The following ALK variants were observed in gnomAD, a reference collection of about 807,000 sequenced individuals.
ALK encodes the protein ALK receptor tyrosine kinase.
ALK carries 74 observed loss-of-function variants against 163.1 expected under a neutral mutation model. That is an observed-to-expected ratio of 0.45 (90% CI 0.38 to 0.55). The LOEUF (loss-of-function observed/expected upper bound fraction) is 0.55. Among genes scored for constraint, ALK ranks in the 20% least tolerant of loss-of-function variants. The pLI, the probability that ALK is intolerant of heterozygous loss-of-function variation, is 0.00. For synonymous variants in ALK, 960 were observed against 843.2 expected (o/e 1.14, Z -2.40); for missense variants, 2,063 against 2,105.3 (o/e 0.98, Z 0.39).
chr2:29,755,395 T>G (rs993976308), intron 1 of ALK, among the ~76,000 whole-genome samples: 1 of 152,214 alleles, frequency 6.6e-6, no homozygotes, highest in Non-Finnish European at 1.5e-5. Context: ...GTTGGTGCTT[T>G]AAGAAGGAAC....
chr2:29,730,086 A>G (rs1451453898), intron 1 of ALK, among the ~76,000 whole-genome samples: 2 of 152,236 alleles, frequency 1.3e-5, no homozygotes, highest in African/African-American at 4.8e-5. Context: ...ACAGATGCTG[A>G]AATTATGGCA....
chr2:29,826,032 TAA>T (rs983280972), intron 1 of ALK, among the ~76,000 whole-genome samples: 3 of 151,602 alleles, frequency 2.0e-5, no homozygotes, highest in Non-Finnish European at 4.4e-5. Flanking sequence ...CCAAACAAGT[TAA>T]GTTTTCCCTA....
chr2:29,385,387 T>G (rs1205517723), intron 4 of ALK, among the ~76,000 whole-genome samples: 8 of 151,380 alleles, frequency 5.3e-5, no homozygotes, highest in Middle Eastern at 3.4e-3. Context: ...AGGTTGTTTT[T>G]TTTTTTTTTT....
At chr2:29,664,305 T>G (rs1677441165) in intron 3 of ALK, among the ~76,000 whole-genome samples, 1 of 152,174 alleles carries the variant, frequency 6.6e-6, no homozygotes, top group African/African-American at 2.4e-5. Context: ...GTTTCTGAGC[T>G]CTGTTTTAAA....
intron 11 of ALK, among the ~76,000 whole-genome samples, chr2:29,273,032 C>T (rs1665433772): frequency 6.6e-6 from 1 of 152,240 alleles, no homozygotes; most frequent in African/African-American, 2.4e-5. Flanking sequence ...GGACCACGCT[C>T]TATGATCTTT....
At chr2:29,852,027 T>C (rs4473347) in intron 1 of ALK, among the ~76,000 whole-genome samples, 41,787 of 152,152 alleles carry the variant, frequency 0.27, 6,469 homozygotes, top group East Asian at 0.54. Flanking sequence ...TACTCTGTTC[T>C]GGCCATATCT....
At chr2:29,515,975 G>C (rs1168996748) in intron 4 of ALK, among the ~76,000 whole-genome samples, 2 of 152,134 alleles carry the variant, frequency 1.3e-5, no homozygotes, top group Non-Finnish European at 2.9e-5. Flanking sequence ...AGCTGTGAAA[G>C]GCCAGCTCAA....
intron 4 of ALK, among the ~76,000 whole-genome samples, chr2:29,451,308 C>T (rs1252768344): frequency 6.6e-6 from 1 of 152,174 alleles, no homozygotes; most frequent in Non-Finnish European, 1.5e-5. Context: ...ACTGACCAAT[C>T]TTTCTTAAGC....
intron 4 of ALK, among the ~76,000 whole-genome samples, chr2:29,485,941 C>A (rs1671767144): frequency 6.6e-6 from 1 of 152,146 alleles, no homozygotes; most frequent in African/African-American, 2.4e-5. Context: ...CTGGCCCTGG[C>A]CTTTCATCTT....
chr2:29,232,309 G>C lies in ALK; in HGVS notation c.2627C>G (p.Ala876Gly), dbSNP rs1664235166. 2 of 1,614,248 alleles carry C rather than the reference G, an allele frequency of 1.2e-6. No homozygotes were observed. The highest frequency in any genetic ancestry group is 1.7e-6 in the Non-Finnish European group (2 of 1,180,044). Residue 876 changes from alanine (A) to glycine (G), a missense_variant, in exon 15 of 29, where the codon GCC (alanine) becomes GGC (glycine). Ala to Gly is a moderately conservative substitution (Grantham distance 60). Coordinates refer to ENST00000389048, the MANE Select transcript of ALK (RefSeq NM_004304.5). Reference sequence around the variant, plus strand: ...GCACGCTTGCAGCGCTTTACCTGCGGCTCCGGAATTGCCGTTTAGCCCTAG... The same window carrying C: ...GCACGCTTGCAGCGCTTTACCTGCGCCTCCGGAATTGCCGTTTAGCCCTAG... The part of the protein sequence containing the change: ...SVLGLNGNSG[A>G]AGGGGGWNDN...
intron 8 of ALK, among the ~76,000 whole-genome samples, chr2:29,315,771 A>G (rs1227381338): frequency 6.6e-6 from 1 of 152,212 alleles, no homozygotes; most frequent in Non-Finnish European, 1.5e-5. Flanking sequence ...TTCTCTGGGA[A>G]TCCACTGATG....
chr2:29,886,703 C>A (rs4666288), intron 1 of ALK, among the ~76,000 whole-genome samples: 41,741 of 152,148 alleles, frequency 0.27, 6,146 homozygotes, highest in East Asian at 0.57. Flanking sequence ...CAGAAGTTCA[C>A]TTTGCACAAG....
chr2:29,650,073 T>G (rs1245143468), intron 3 of ALK, among the ~76,000 whole-genome samples: 2 of 152,188 alleles, frequency 1.3e-5, no homozygotes, highest in East Asian at 3.9e-4. Context: ...TTCAGACCCC[T>G]GACTCTAAGA....
intron 25 of ALK, among the ~76,000 whole-genome samples, chr2:29,209,022 G>A (rs1446299574): frequency 1.3e-5 from 2 of 152,138 alleles, no homozygotes; most frequent in African/African-American, 4.8e-5. Flanking sequence ...CATCTCCTGG[G>A]GTGGCTAAAG....
At chr2:29,828,861 C>A (rs1463382709) in intron 1 of ALK, among the ~76,000 whole-genome samples, 1 of 152,004 alleles carries the variant, frequency 6.6e-6, no homozygotes, top group Non-Finnish European at 1.5e-5. Context: ...AAGACACATG[C>A]ACATGTATGT....
At chr2:29,569,191 T>C (rs966663182) in intron 3 of ALK, among the ~76,000 whole-genome samples, 1 of 152,158 alleles carries the variant, frequency 6.6e-6, no homozygotes, top group Non-Finnish European at 1.5e-5. Flanking sequence ...AGGCTCATCA[T>C]CCTGCCCGTC....
intron 8 of ALK, among the ~76,000 whole-genome samples, chr2:29,312,201 T>A (rs1666715571): frequency 6.6e-6 from 1 of 152,002 alleles, no homozygotes; most frequent in African/African-American, 2.4e-5. Context: ...TAAAGTCAGA[T>A]AAGAAGATAA....
chr2:29,331,323 T>C (rs921490779), intron 5 of ALK, among the ~76,000 whole-genome samples: 10 of 152,216 alleles, frequency 6.6e-5, no homozygotes, highest in African/African-American at 2.2e-4. Flanking sequence ...GACCCACTTA[T>C]ACATGGATCT....
intron 4 of ALK, among the ~76,000 whole-genome samples, chr2:29,496,829 C>T (rs1672036152): frequency 6.6e-6 from 1 of 152,192 alleles, no homozygotes. Flanking sequence ...CATTGCCAAC[C>T]AAATGGGGCT....
Sources: allele counts gnomAD v4.1 joint callset (sites outside exome capture counted in the v4.1 genomes callset), GRCh38; gene constraint gnomAD v4.1.1; transcripts MANE v1.5; gene names NCBI Gene and HGNC (gene_info 2026-07-23, HGNC 2026-07-21).